ARHGAP26: variants seen among roughly 807,000 people sequenced by gnomAD.
The protein encoded by ARHGAP26 is Rho GTPase activating protein 26.
In ARHGAP26, 38 loss-of-function variants were observed where a neutral mutation model predicts 104.8. That is an observed-to-expected ratio of 0.36 (90% confidence interval 0.28 to 0.48). The LOEUF (loss-of-function observed/expected upper bound fraction) is 0.48, where lower values mean the gene tolerates loss of function less well. Ranked by LOEUF, ARHGAP26 falls within the 20% of genes least tolerant of loss-of-function variation. ARHGAP26 has a pLI of 0.99. For synonymous variants in ARHGAP26, 341 were observed against 340.0 expected (o/e 1.00, Z -0.03); for missense variants, 704 against 947.9 (o/e 0.74, Z 3.38).
intron 20 of ARHGAP26, among the ~76,000 whole-genome samples, chr5:143,182,509 A>C (rs7704117): frequency 0.088 from 13,410 of 152,200 alleles, 2,007 homozygotes; most frequent in African/African-American, 0.31. Flanking sequence ...ATGCTTCCTA[A>C]ATATTTGTTA....
intron 11 of ARHGAP26, among the ~76,000 whole-genome samples, chr5:143,012,552 C>CATATATATATATATATATACATATAT (rs1778954217): frequency 4.8e-5 from 1 of 20,832 alleles, no homozygotes; most frequent in Non-Finnish European, 1.4e-4. Context: ...TACATACATA[C>CATATATATATATATATATACATATAT]ATATATATAT....
rs146944215 is a variant in ARHGAP26 at position 143,003,719 on chromosome 5, G to A, written c.1108-10361G>A. Among the ~76,000 whole-genome samples, 38 of 152,232 alleles carry A rather than the reference G, an allele frequency of 2.5e-4. No homozygotes were observed. In the East Asian group the frequency reaches 7.1e-3, roughly 29 times the overall value. On this transcript the variant is annotated intron_variant, in intron 11 of 22. Coordinates refer to ENST00000645722, the MANE Select transcript of ARHGAP26 (RefSeq NM_001135608.3). ...GTGGAGTAAGGAAAAGGGAAATAAC[G>A]TTTTTGAGCACCTCCAGTCCCTGTG...
intron 20 of ARHGAP26, among the ~76,000 whole-genome samples, chr5:143,175,849 C>T (rs985063594): frequency 6.6e-6 from 1 of 152,208 alleles, no homozygotes; most frequent in African/African-American, 2.4e-5. Flanking sequence ...CACAGTGGCT[C>T]ACGCCTGTAA....
intron 11 of ARHGAP26, among the ~76,000 whole-genome samples, chr5:142,977,491 G>C (rs997428839): frequency 1.3e-5 from 2 of 152,132 alleles, no homozygotes; most frequent in African/African-American, 4.8e-5. Flanking sequence ...GATGGTTGTT[G>C]ACAGATTTTT....
At chr5:142,861,659 A>G (rs544821968) in intron 1 of ARHGAP26, among the ~76,000 whole-genome samples, 2 of 152,296 alleles carry the variant, frequency 1.3e-5, no homozygotes, top group African/African-American at 2.4e-5. Flanking sequence ...TATTAAATAT[A>G]TATGTAAATG....
chr5:143,216,010 GTGTT>G (rs1217211786), intron 22 of ARHGAP26, among the ~76,000 whole-genome samples: 1 of 152,150 alleles, frequency 6.6e-6, no homozygotes, highest in African/African-American at 2.4e-5. Flanking sequence ...CCGTGTTTAA[GTGTT>G]TGAGGAAATG....
intron 17 of ARHGAP26, among the ~76,000 whole-genome samples, chr5:143,084,565 A>G (rs2150470912): frequency 6.6e-6 from 1 of 152,244 alleles, no homozygotes; most frequent in Middle Eastern, 3.4e-3. Context: ...TTACTGCCCT[A>G]CTTACAGGGA....
chr5:142,888,429 T>C (rs1327933355), intron 5 of ARHGAP26, among the ~76,000 whole-genome samples: 1 of 152,238 alleles, frequency 6.6e-6, no homozygotes, highest in Admixed American at 6.5e-5. Context: ...ATGAGGGAAC[T>C]GAGTTTCTCG....
At chr5:143,148,926 T>C (rs1799473729) in intron 20 of ARHGAP26, among the ~76,000 whole-genome samples, 1 of 152,230 alleles carries the variant, frequency 6.6e-6, no homozygotes, top group Non-Finnish European at 1.5e-5. Context: ...CGCTACCAAC[T>C]AGTGGTCTGT....
chr5:143,117,781 G>C (rs900769407), intron 17 of ARHGAP26, among the ~76,000 whole-genome samples: 2 of 152,202 alleles, frequency 1.3e-5, no homozygotes, highest in African/African-American at 4.8e-5. Flanking sequence ...TGAAGACTTT[G>C]ATAAGGGAGG....
At chr5:142,798,556 G>A (rs906777313) in intron 1 of ARHGAP26, among the ~76,000 whole-genome samples, 5 of 152,148 alleles carry the variant, frequency 3.3e-5, no homozygotes, top group Admixed American at 6.5e-5. Context: ...GTATTGTGTA[G>A]CATTTTAGGA....
In ARHGAP26 at chr5:142,798,085, G is replaced by A. The variant is rs1038260650; in HGVS notation, c.154+27170G>A. Reference sequence around the variant, plus strand: ...CAGGTGGACTCATTGATTAGCTTGCGGCTACCACTATAGCCAGGGTGGTCT... The same window carrying A: ...CAGGTGGACTCATTGATTAGCTTGCAGCTACCACTATAGCCAGGGTGGTCT... On this transcript the variant is annotated intron_variant, in intron 1 of 22. Transcript: ENST00000645722. Among the ~76,000 whole-genome samples the A allele has an allele frequency of 3.3e-5, 5 of 152,228 alleles. No individual in the cohort carries two copies. The South Asian group carries it at 8.3e-4, about 25-fold the overall frequency.
chr5:142,826,768 C>T (rs1266121288), intron 1 of ARHGAP26, among the ~76,000 whole-genome samples: 2 of 146,750 alleles, frequency 1.4e-5, no homozygotes, highest in Admixed American at 1.3e-4. Flanking sequence ...TCCTCTGTGC[C>T]TATCTCCACC....
At chr5:143,074,015 G>T (rs1446944828) in intron 17 of ARHGAP26, among the ~76,000 whole-genome samples, 1 of 152,162 alleles carries the variant, frequency 6.6e-6, no homozygotes, top group Non-Finnish European at 1.5e-5. Context: ...ATTTTTACTG[G>T]AGAGTAGGCA....
chr5:142,955,113 C>A (rs1051686903), intron 11 of ARHGAP26, among the ~76,000 whole-genome samples: 3 of 151,528 alleles, frequency 2.0e-5, no homozygotes, highest in Non-Finnish European at 4.4e-5. Flanking sequence ...CACACACACA[C>A]ACACACACAC....
At chr5:142,948,773 C>T (rs1338310658) in intron 11 of ARHGAP26, among the ~76,000 whole-genome samples, 1 of 151,844 alleles carries the variant, frequency 6.6e-6, no homozygotes, top group Non-Finnish European at 1.5e-5. Flanking sequence ...TTCTGAAATT[C>T]AGGCCAGTTT....
intron 18 of ARHGAP26, among the ~76,000 whole-genome samples, chr5:143,133,758 C>T (rs1054456947): frequency 7.9e-5 from 12 of 152,170 alleles, no homozygotes; most frequent in Admixed American, 6.5e-4. Context: ...GGGTGGTTAT[C>T]AAACTCTGGG....
At chr5:143,114,431 G>A (rs898001093) in intron 17 of ARHGAP26, among the ~76,000 whole-genome samples, 1 of 152,138 alleles carries the variant, frequency 6.6e-6, no homozygotes, top group South Asian at 2.1e-4. Flanking sequence ...GATTCCCCCC[G>A]CCATCCTCTG....
chr5:143,113,746 T>C (rs1795057218), intron 17 of ARHGAP26, among the ~76,000 whole-genome samples: 1 of 152,252 alleles, frequency 6.6e-6, no homozygotes, highest in Admixed American at 6.5e-5. Flanking sequence ...TCTTTTGTTT[T>C]TACTTCTTCC....
Sources: gnomAD v4.1 joint callset for allele counts (sites outside exome capture counted in the v4.1 genomes callset) on GRCh38, gnomAD v4.1.1 for gene constraint, MANE v1.5 for transcripts, NCBI Gene and HGNC (gene_info 2026-07-23, HGNC 2026-07-21) for gene names.